The following KCND2 variants were observed in gnomAD, a reference collection of about 807,000 sequenced individuals.
The protein encoded by KCND2 is potassium voltage-gated channel subfamily D member 2.
A neutral mutation model predicts 54.4 loss-of-function variants in KCND2; 16 were observed. The observed-to-expected ratio is 0.29, with a 90% CI of 0.20 to 0.45. The LOEUF is 0.45. Ranked by LOEUF, KCND2 falls within the 20% of genes least tolerant of loss-of-function variation. The pLI, the probability that KCND2 is intolerant of heterozygous loss-of-function variation, is 1.00. For missense variants in KCND2, 486 were observed against 824.2 expected (o/e 0.59, Z 5.02); for synonymous variants, 317 against 310.7 (o/e 1.02, Z -0.21).
At chr7:120,408,225 A>G (rs575218911) in intron 1 of KCND2, among the ~76,000 whole-genome samples, 1 of 151,970 alleles carries the variant, frequency 6.6e-6, no homozygotes, top group Non-Finnish European at 1.5e-5. Context: ...TCACTAATCA[A>G]TTTTGGAGAA....
At chr7:120,291,148 C>CAT (rs1344509429) in intron 1 of KCND2, among the ~76,000 whole-genome samples, 47 of 151,770 alleles carry the variant, frequency 3.1e-4, no homozygotes, top group Admixed American at 3.1e-3. Flanking sequence ...ATTTGCCCAT[C>CAT]ATAAGTGCTC....
chr7:120,698,737 G>A (rs1320215579), intron 1 of KCND2, among the ~76,000 whole-genome samples: 1 of 152,190 alleles, frequency 6.6e-6, no homozygotes, highest in Non-Finnish European at 1.5e-5. Flanking sequence ...CAGCTTTCCA[G>A]ATCACAGTTA....
chr7:120,737,056 ACACACACAC>A (rs1213880683), intron 2 of KCND2, among the ~76,000 whole-genome samples: 2 of 145,204 alleles, frequency 1.4e-5, no homozygotes, highest in African/African-American at 5.2e-5. Context: ...ACACACACAC[ACACACACAC>A]ACACACACAC....
chr7:120,677,566 T>TATAG (rs1792082046), intron 1 of KCND2, among the ~76,000 whole-genome samples: 5 of 124,698 alleles, frequency 4.0e-5, no homozygotes, highest in African/African-American at 1.6e-4. Flanking sequence ...GATATATAGA[T>TATAG]ATATAGATAT....
At chr7:120,685,523 G>A (rs936456649) in intron 1 of KCND2, among the ~76,000 whole-genome samples, 4 of 152,130 alleles carry the variant, frequency 2.6e-5, no homozygotes, top group Admixed American at 6.6e-5. Flanking sequence ...TGAGATAAAC[G>A]ATTTCACAGC....
At chr7:120,492,056 G>C (rs1244033694) in intron 1 of KCND2, among the ~76,000 whole-genome samples, 1 of 151,970 alleles carries the variant, frequency 6.6e-6, no homozygotes, top group Non-Finnish European at 1.5e-5. Flanking sequence ...GCTGATACCG[G>C]ACATCAGTGT....
chr7:120,485,721 A>G (rs1279355755), intron 1 of KCND2, among the ~76,000 whole-genome samples: 1 of 152,240 alleles, frequency 6.6e-6, no homozygotes, highest in Non-Finnish European at 1.5e-5. Flanking sequence ...TTTCTAAAAT[A>G]TTAACTTTCA....
chr7:120,571,773 C>T (rs1210082262), intron 1 of KCND2, among the ~76,000 whole-genome samples: 7 of 152,176 alleles, frequency 4.6e-5, no homozygotes. Flanking sequence ...GATTTGCCAA[C>T]AATATGATCC....
chr7:120,554,764 A>G (rs1792143030), intron 1 of KCND2, among the ~76,000 whole-genome samples: 1 of 152,164 alleles, frequency 6.6e-6, no homozygotes. Context: ...TAGTCTGACG[A>G]CCATACATTG....
intron 1 of KCND2, among the ~76,000 whole-genome samples, chr7:120,530,206 G>C (rs1321374663): frequency 2.0e-5 from 3 of 152,102 alleles, no homozygotes; most frequent in Admixed American, 2.0e-4. Flanking sequence ...ATAACACAAA[G>C]TATAAATGCT....
At chr7:120,428,623 T>A (rs375131147) in intron 1 of KCND2, among the ~76,000 whole-genome samples, 2 of 152,160 alleles carry the variant, frequency 1.3e-5, no homozygotes, top group East Asian at 3.8e-4. Context: ...TAACTTATGA[T>A]AAGGCACTTT....
intron 1 of KCND2, among the ~76,000 whole-genome samples, chr7:120,385,878 C>T (rs758127288): frequency 6.6e-6 from 1 of 152,124 alleles, no homozygotes; most frequent in Non-Finnish European, 1.5e-5. Flanking sequence ...CTTCATTGAG[C>T]TCTTTTCATT....
chr7:120,449,786 G>A (rs942627528), intron 1 of KCND2, among the ~76,000 whole-genome samples: 4 of 152,174 alleles, frequency 2.6e-5, no homozygotes, highest in Admixed American at 2.0e-4. Context: ...TGACATCAAA[G>A]TACATAATGC....
chr7:120,609,679 T>C (rs1287425375), intron 1 of KCND2, among the ~76,000 whole-genome samples: 1 of 152,194 alleles, frequency 6.6e-6, no homozygotes, highest in Non-Finnish European at 1.5e-5. Flanking sequence ...ATCTGTTTTT[T>C]GTTTAAGAAA....
intron 1 of KCND2, among the ~76,000 whole-genome samples, chr7:120,552,034 T>C (rs992248635): frequency 6.6e-6 from 1 of 152,136 alleles, no homozygotes; most frequent in African/African-American, 2.4e-5. Context: ...TAATGGGAAA[T>C]CAAATGAATA....
chr7:120,436,327 A>G (rs1801865447), intron 1 of KCND2, among the ~76,000 whole-genome samples: 1 of 152,186 alleles, frequency 6.6e-6, no homozygotes, highest in Non-Finnish European at 1.5e-5. Flanking sequence ...AACAATGACA[A>G]TATAATAGTT....
At chr7:120,438,287 T>C (rs1419726191) in intron 1 of KCND2, among the ~76,000 whole-genome samples, 2 of 151,964 alleles carry the variant, frequency 1.3e-5, no homozygotes, top group African/African-American at 4.8e-5. Context: ...TTATCAGGAG[T>C]TGGCCATGGG....
intron 1 of KCND2, among the ~76,000 whole-genome samples, chr7:120,708,236 G>A (rs1015445591): frequency 2.3e-4 from 35 of 152,052 alleles, no homozygotes; most frequent in African/African-American, 7.7e-4. Flanking sequence ...TGTATACAAT[G>A]CAATGAAACA....
chr7:120,342,762 A>G (rs1800259103), intron 1 of KCND2, among the ~76,000 whole-genome samples: 1 of 152,182 alleles, frequency 6.6e-6, no homozygotes, highest in Non-Finnish European at 1.5e-5. Flanking sequence ...CATATAATAT[A>G]ATAATATGGG....
Sources: gnomAD v4.1 joint callset for allele counts (sites outside exome capture counted in the v4.1 genomes callset) on GRCh38, gnomAD v4.1.1 for gene constraint, MANE v1.5 for transcripts, NCBI Gene and HGNC (gene_info 2026-07-23, HGNC 2026-07-21) for gene names.